JADE3: variants seen among roughly 807,000 people sequenced by gnomAD.
JADE3 encodes jade family PHD finger 3.
A neutral mutation model predicts 50.1 loss-of-function variants in JADE3; 2 were observed. That is an observed-to-expected ratio of 0.04 (90% CI 0.02 to 0.13). The LOEUF is 0.13. Ranked by LOEUF, JADE3 falls within the 10% of genes least tolerant of loss-of-function variation. The probability of loss-of-function intolerance (pLI) is 1.00; values close to 1 mark genes in which losing one functional copy is unlikely to be tolerated. For missense variants in JADE3, 475 were observed against 634.4 expected, an observed-to-expected ratio of 0.75 and a Z score of 2.70; for synonymous variants, 218 against 232.9, an observed-to-expected ratio of 0.94 and a Z score of 0.58.
intron 8 of JADE3, among the ~76,000 whole-genome samples, chrX:47,043,176 C>T (rs181477567): frequency 2.7e-4 from 30 of 111,853 alleles, no homozygotes; most frequent in East Asian, 1.1e-3. Context: ...CAGATATGGC[C>T]GTAGTGACCA....
At chrX:47,010,470 C>T (rs1928533684) in intron 4 of JADE3, among the ~76,000 whole-genome samples, 1 of 111,823 alleles carries the variant, frequency 8.9e-6, no homozygotes, top group African/African-American at 3.3e-5. Context: ...TCAGGTGATC[C>T]GCCTGGCTTG....
chrX:47,004,950 C>G (rs1246162266), intron 4 of JADE3, among the ~76,000 whole-genome samples: 3 of 111,800 alleles, frequency 2.7e-5, no homozygotes, highest in African/African-American at 9.8e-5. Context: ...TATGCTTTTC[C>G]CTATGCCTCC....
At chrX:46,975,714 C>CTTTTTTTTTTTTTTT (rs782578317) in intron 1 of JADE3, among the ~76,000 whole-genome samples, 24 of 40,515 alleles carry the variant, frequency 5.9e-4, no homozygotes, top group South Asian at 3.2e-3. Context: ...TTTTCTTTTT[C>CTTTTTTTTTTTTTTT]TTTTTTTTTT....
At chrX:47,001,759 C>T (rs895068515) in intron 4 of JADE3, among the ~76,000 whole-genome samples, 12 of 111,978 alleles carry the variant, frequency 1.1e-4, no homozygotes, top group Admixed American at 6.7e-4. Context: ...AATCAAATGA[C>T]TTCAATTAAC....
chrX:46,937,845 G>A (rs1426278119), intron 1 of JADE3, among the ~76,000 whole-genome samples: 1 of 111,037 alleles, frequency 9.0e-6, no homozygotes, highest in Non-Finnish European at 1.9e-5. Context: ...GCCGGGCATG[G>A]TGGTGGGCGC....
chrX:47,016,478 T>C (rs1928680087), intron 4 of JADE3, among the ~76,000 whole-genome samples: 1 of 111,297 alleles, frequency 9.0e-6, no homozygotes, highest in Admixed American at 9.6e-5. Flanking sequence ...AGAGTGAATG[T>C]TTTAAGAGGT....
chrX:47,041,979 C>G (rs1456726468), intron 8 of JADE3, among the ~76,000 whole-genome samples: 1 of 110,001 alleles, frequency 9.1e-6, no homozygotes, highest in African/African-American at 3.3e-5. Flanking sequence ...CTTTTTTTTT[C>G]TTTTCTTTCT....
At chrX:46,917,888 CCT>C (rs1324326974) in intron 1 of JADE3, among the ~76,000 whole-genome samples, 1 of 69,757 alleles carries the variant, frequency 1.4e-5, no homozygotes, top group East Asian at 5.3e-4. Context: ...TCTCTCTCAT[CCT>C]CTCTCTCTCT....
At chrX:46,949,644 T>G (rs1185948650) in intron 1 of JADE3, among the ~76,000 whole-genome samples, 2 of 111,622 alleles carry the variant, frequency 1.8e-5, no homozygotes, top group Non-Finnish European at 3.8e-5. Context: ...TTGACAAATG[T>G]ATGTACCCAC....
At chrX:46,942,146 A>G (rs1926775533) in intron 1 of JADE3, among the ~76,000 whole-genome samples, 1 of 110,421 alleles carries the variant, frequency 9.1e-6, no homozygotes, top group Non-Finnish European at 1.9e-5. Context: ...GTTTGTGAAT[A>G]TTTTTCTCCC....
intron 1 of JADE3, among the ~76,000 whole-genome samples, chrX:46,917,888 CCTCT>C (rs1324326974): frequency 8.6e-5 from 6 of 69,741 alleles, no homozygotes; most frequent in Admixed American, 1.6e-4. Flanking sequence ...TCTCTCTCAT[CCTCT>C]CTCTCTCTCA....
At chrX:46,923,892 G>A (rs903724879) in intron 1 of JADE3, among the ~76,000 whole-genome samples, 13 of 111,651 alleles carry the variant, frequency 1.2e-4, no homozygotes, top group South Asian at 3.8e-4. Context: ...GGAGGAGGGA[G>A]TTCTCTGATG....
chrX:46,953,741 C>G (rs1556345811), intron 1 of JADE3, among the ~76,000 whole-genome samples: 2 of 112,140 alleles, frequency 1.8e-5, no homozygotes, highest in Non-Finnish European at 3.8e-5. Flanking sequence ...AGAACCACTT[C>G]TCTAAAGGCA....
Position 46,955,450 on chromosome X carries a change from AG to A in JADE3, c.-11-29433del, listed in dbSNP as rs782338455. Among the ~76,000 whole-genome samples, 833 of 112,167 alleles carry A rather than the reference AG, an allele frequency of 7.4e-3. 2 individuals are homozygous for A. The highest frequency in any genetic ancestry group is 0.019 in the Middle Eastern group (4 of 214). ...AGGTTGATCGGGGTGTGAGAATTAA[AG>A]CTAGCTTTATTCAAGGCCAGTATAA... On this transcript the variant is annotated intron_variant, in intron 1 of 10. Transcript: ENST00000614628.
intron 1 of JADE3, among the ~76,000 whole-genome samples, chrX:46,934,279 G>A (rs1926561125): frequency 9.1e-6 from 1 of 109,502 alleles, no homozygotes; most frequent in African/African-American, 3.3e-5. Context: ...GGGACTACAG[G>A]CGCACACCAC....
Position 47,058,814 on chromosome X carries a change from A to C in JADE3, c.2209A>C (p.Thr737Pro), listed in dbSNP as rs782148210. 3.3e-6 allele frequency: 4 copies of C among 1,208,933 alleles called. No individual in the cohort carries two copies. Among genetic ancestry groups the C allele is most frequent in the Non-Finnish European group, 4.5e-6 (4 of 894,413 alleles). ...GGACCTCCAGTGCTATGTGAAGCCA[A>C]CCAAGAATATGAGCCCCAAGGAGCA... ...TEDLQCYVKP[T>P]KNMSPKEQFW... Residue 737 changes from threonine (T) to proline (P), a missense_variant, in exon 11 of 11, where the codon ACC (threonine) becomes CCC (proline). By Grantham distance (38) the Thr-to-Pro change is conservative (BLOSUM62 -1). This residue lies in a region of JADE3 where 243 missense variants were observed against 238.2 expected (regional missense o/e 1.02). Coordinates refer to ENST00000614628, the MANE Select transcript of JADE3 (RefSeq NM_014735.5).
At chrX:46,942,809 A>G (rs1178543137) in intron 1 of JADE3, among the ~76,000 whole-genome samples, 3 of 112,116 alleles carry the variant, frequency 2.7e-5, no homozygotes, top group African/African-American at 6.5e-5. Context: ...GGCCATTTTA[A>G]TGATATTGAT....
chrX:47,013,364 A>G (rs782544007), intron 4 of JADE3, among the ~76,000 whole-genome samples: 1 of 111,724 alleles, frequency 9.0e-6, no homozygotes, highest in African/African-American at 3.2e-5. Context: ...AGTGACTTAA[A>G]ATTTTTTTAT....
chrX:46,970,423 TTTGA>T (rs1399289607), intron 1 of JADE3, among the ~76,000 whole-genome samples: 7 of 112,124 alleles, frequency 6.2e-5, no homozygotes, highest in Admixed American at 9.4e-5. Context: ...CCATATCCTA[TTTGA>T]TTGATCTTGG....
Sources: allele counts gnomAD v4.1 joint callset (sites outside exome capture counted in the v4.1 genomes callset), GRCh38; gene constraint gnomAD v4.1.1; regional missense constraint gnomAD v4.1.1; transcripts MANE v1.5; gene names NCBI Gene and HGNC (gene_info 2026-07-23, HGNC 2026-07-21).